The following FAM241A variants were observed in gnomAD, a reference collection of about 807,000 sequenced individuals.
The protein encoded by FAM241A is family with sequence similarity 241 member A, also known as uncharacterized protein FAM241A.
In FAM241A, 7 loss-of-function variants were observed where a neutral mutation model predicts 12.2. That is an observed-to-expected ratio of 0.58 (90% CI 0.33 to 1.08). The LOEUF is 1.08. FAM241A is among the 50% of genes least tolerant of loss of function. FAM241A has a pLI of 0.04. For missense variants in FAM241A, 161 were observed against 169.7 expected, an observed-to-expected ratio of 0.95 and a Z score of 0.29; for synonymous variants, 74 against 68.2, an observed-to-expected ratio of 1.08 and a Z score of -0.42.
chr4:112,152,394 A>G (rs534178347), intron 1 of FAM241A, among the ~76,000 whole-genome samples: 19 of 152,248 alleles, frequency 1.2e-4, no homozygotes, highest in Middle Eastern at 3.2e-3. Context: ...TATTCAAAAT[A>G]TGTAAGGGTT....
rs1331523657 is a variant in FAM241A, at chr4:112,188,412, T to C, written c.*1474T>C. ...AGGAAAAACATTTAACTTAGTTTTC[T>C]AAAATCAGATAATCCTAAACAAAAA... On this transcript the variant is annotated 3_prime_UTR_variant, in exon 2 of 2. Transcript: ENST00000309733. The C allele has an allele frequency of 1.3e-5, 2 of 152,204 alleles. No individual in the cohort carries two copies. The highest frequency in any genetic ancestry group is 4.8e-5 in the African/African-American group (2 of 41,466). 9.4% of individuals were successfully genotyped at this position (152,204 alleles called of 1,614,324 possible). A position where few individuals can be genotyped will look rare whatever the true frequency, so the allele number is the denominator to read the frequency against.
At position 112,192,839 on chromosome 4, in the gene FAM241A, T is replaced by C. The variant is rs1490656596; in HGVS notation, c.*5901T>C. 6.6e-6 allele frequency: 1 copy of C among 151,950 alleles called. No homozygotes were observed. The highest frequency in any genetic ancestry group is 1.5e-5 in the Non-Finnish European group (1 of 68,014). The allele number at this position is 151,950 out of a possible 1,614,324, so 9.4% of individuals were successfully genotyped here. On this transcript the variant is annotated 3_prime_UTR_variant, in exon 2 of 2. Transcript: ENST00000309733. ...CATGTGTCTTTATAGCAGCATGATTTATAGTCCTTTGAGTATATACCCAGT... is the reference window on the plus strand; with the variant it reads ...CATGTGTCTTTATAGCAGCATGATTCATAGTCCTTTGAGTATATACCCAGT...
intron 1 of FAM241A, among the ~76,000 whole-genome samples, chr4:112,165,743 G>A (rs955918072): frequency 1.3e-5 from 2 of 152,118 alleles, no homozygotes; most frequent in Non-Finnish European, 2.9e-5. Context: ...TAGAAGGATG[G>A]TTACCAGAGG....
In FAM241A at chr4:112,192,522, G is replaced by A. The variant is rs1471756615; in HGVS notation, c.*5584G>A. ...TCCCCCCACCCCACAACAGTCCCCAGAGTGTGATGTTCCCCTTCCTGTGTC... is the reference window on the plus strand; with the variant it reads ...TCCCCCCACCCCACAACAGTCCCCAAAGTGTGATGTTCCCCTTCCTGTGTC... On this transcript the variant is annotated 3_prime_UTR_variant, in exon 2 of 2. Coordinates refer to ENST00000309733, the MANE Select transcript of FAM241A (RefSeq NM_152400.3). 2 of 121,396 alleles carry A rather than the reference G, an allele frequency of 1.6e-5. No homozygotes were observed. The highest frequency in any genetic ancestry group is 2.1e-4 in the Admixed American group (2 of 9,580). The allele number at this position is 121,396 out of a possible 1,614,324, so 7.5% of individuals were successfully genotyped here.
chr4:112,160,499 C>G (rs868273201), intron 1 of FAM241A, among the ~76,000 whole-genome samples: 1 of 151,764 alleles, frequency 6.6e-6, no homozygotes, highest in Non-Finnish European at 1.5e-5. Context: ...CCTACAGATT[C>G]AACGCAATTT....
chr4:112,164,218 C>G (rs895927264), intron 1 of FAM241A, among the ~76,000 whole-genome samples: 45 of 150,874 alleles, frequency 3.0e-4, no homozygotes, highest in African/African-American at 1.1e-3. Flanking sequence ...ACATGTGTAA[C>G]AAACCTACAC....
At chr4:112,157,324 G>T (rs1474078322) in intron 1 of FAM241A, among the ~76,000 whole-genome samples, 2 of 152,108 alleles carry the variant, frequency 1.3e-5, no homozygotes, top group Non-Finnish European at 2.9e-5. Context: ...TTTTTGCATT[G>T]CTCTCAATTA....
At chr4:112,183,742 C>A (rs1723988785) in intron 1 of FAM241A, among the ~76,000 whole-genome samples, 1 of 151,058 alleles carries the variant, frequency 6.6e-6, no homozygotes, top group African/African-American at 2.4e-5. Flanking sequence ...GAAAAAAAGG[C>A]CAGAAACAGT....
chr4:112,154,460 G>C (rs990095302), intron 1 of FAM241A, among the ~76,000 whole-genome samples: 1 of 152,002 alleles, frequency 6.6e-6, no homozygotes, highest in Admixed American at 6.6e-5. Flanking sequence ...TAGAGATGGA[G>C]TTTTGCCGTG....
intron 1 of FAM241A, among the ~76,000 whole-genome samples, chr4:112,156,309 C>T (rs1429727382): frequency 6.6e-6 from 1 of 152,194 alleles, no homozygotes; most frequent in African/African-American, 2.4e-5. Context: ...TTATCTATTA[C>T]TTCCTCAGAA....
intron 1 of FAM241A, among the ~76,000 whole-genome samples, chr4:112,185,534 C>T (rs561662189): frequency 1.5e-4 from 23 of 152,304 alleles, no homozygotes; most frequent in African/African-American, 5.3e-4. Flanking sequence ...AAGACAACCA[C>T]TCATAGGACT....
intron 1 of FAM241A, among the ~76,000 whole-genome samples, chr4:112,148,724 G>A (rs571804185): frequency 6.6e-4 from 100 of 152,344 alleles, no homozygotes; most frequent in African/African-American, 2.4e-3. Context: ...TGGTAATTGT[G>A]TGTATGAGAG....
intron 1 of FAM241A, among the ~76,000 whole-genome samples, chr4:112,155,991 A>G (rs1723346641): frequency 6.6e-6 from 1 of 152,202 alleles, no homozygotes; most frequent in South Asian, 2.1e-4. Flanking sequence ...AGTAAGTTGC[A>G]GAGTTGAGAT....
At position 112,145,590 on chromosome 4, in the gene FAM241A, G is replaced by T; in HGVS notation, c.10G>T (p.Ala4Ser). Residue 4 changes from alanine (A) to serine (S), a missense_variant, in exon 1 of 2, where the codon GCC becomes TCC. Coordinates refer to ENST00000309733, the MANE Select transcript of FAM241A (RefSeq NM_152400.3). ...AGGAGTTGGCTGCGGGATGTGCTCAGCCGGGGAGCTGCTGCGGGGCGGCGA... is the reference window on the plus strand; with the variant it reads ...AGGAGTTGGCTGCGGGATGTGCTCATCCGGGGAGCTGCTGCGGGGCGGCGA... MCS[A>S]GELLRGGDGG... 3 of 1,248,120 alleles carry T rather than the reference G, an allele frequency of 2.4e-6. No homozygotes were observed. The highest frequency in any genetic ancestry group is 6.1e-5 in the East Asian group (2 of 32,524). 77.3% of individuals were successfully genotyped at this position (1,248,120 alleles called of 1,614,324 possible).
At chr4:112,181,021 G>A (rs1179685964) in intron 1 of FAM241A, among the ~76,000 whole-genome samples, 1 of 152,106 alleles carries the variant, frequency 6.6e-6, no homozygotes, top group Admixed American at 6.5e-5. Context: ...GAAGAGCTAG[G>A]AATAATTTTT....
At position 112,193,025 on chromosome 4, in the gene FAM241A, T is replaced by A. The variant is rs1272530457; in HGVS notation, c.*6087T>A. The A allele has an allele frequency of 3.3e-5, 5 of 149,450 alleles. No individual in the cohort carries two copies. The East Asian group carries it at 9.8e-4, about 29-fold the overall frequency. The allele number at this position is 149,450 out of a possible 1,614,324, so 9.3% of individuals were successfully genotyped here. The stretch of plus-strand genomic sequence containing the variant: ...CAGCACCTGTTGTTTCCTGACTTTT[T>A]AATGATCGCCATTCTAACTGGTGTG... On this transcript the variant is annotated 3_prime_UTR_variant, in exon 2 of 2. Transcript: ENST00000309733.
At chr4:112,165,458 A>G (rs1237706185) in intron 1 of FAM241A, among the ~76,000 whole-genome samples, 2 of 152,220 alleles carry the variant, frequency 1.3e-5, no homozygotes, top group Non-Finnish European at 2.9e-5. Context: ...ACACTCTCAT[A>G]TTTGTTATAG....
At position 112,191,269 on chromosome 4, in the gene FAM241A, TC is replaced by T. The variant is rs765100734; in HGVS notation, c.*4333del. On this transcript the variant is annotated 3_prime_UTR_variant, in exon 2 of 2. Coordinates refer to ENST00000309733, the MANE Select transcript of FAM241A (RefSeq NM_152400.3). ...ATATAATCTTTCTACTTCTATTCAT[TC>T]CTAGCATCACTGAGTCCATTCTGCC... 6.6e-6 allele frequency: 1 copy of T among 152,206 alleles called. No homozygotes were observed. Among genetic ancestry groups the T allele is most frequent in the Non-Finnish European group, 1.5e-5 (1 of 68,026 alleles). 9.4% of individuals were successfully genotyped at this position (152,206 alleles called of 1,614,324 possible). A position where few individuals can be genotyped will look rare whatever the true frequency, so the allele number is the denominator to read the frequency against.
chr4:112,147,734 G>T (rs113965498), intron 1 of FAM241A, among the ~76,000 whole-genome samples: 13 of 152,242 alleles, frequency 8.5e-5, no homozygotes, highest in African/African-American at 3.1e-4. Flanking sequence ...AGGATACAAG[G>T]ACTCCAGATT....
Sources: gnomAD v4.1 joint callset for allele counts (sites outside exome capture counted in the v4.1 genomes callset) on GRCh38, gnomAD v4.1.1 for gene constraint, MANE v1.5 for transcripts, NCBI Gene and HGNC (gene_info 2026-07-23, HGNC 2026-07-21) for gene names.